The following ARHGAP26 variants were observed in gnomAD, a reference collection of about 807,000 sequenced individuals.
ARHGAP26 encodes rho GTPase-activating protein 26.
A neutral mutation model predicts 104.8 loss-of-function variants in ARHGAP26; 38 were observed. The observed-to-expected ratio is 0.36, with a 90% confidence interval of 0.28 to 0.48. ARHGAP26 has a LOEUF of 0.48. ARHGAP26 is among the 20% of genes least tolerant of loss of function. The pLI is 0.99. For missense variants in ARHGAP26, 704 were observed against 947.9 expected, an observed-to-expected ratio of 0.74 and a Z score of 3.38; for synonymous variants, 341 against 340.0, an observed-to-expected ratio of 1.00 and a Z score of -0.03.
intron 6 of ARHGAP26, among the ~76,000 whole-genome samples, chr5:142,899,708 A>G (rs961068882): frequency 2.0e-5 from 3 of 151,554 alleles, no homozygotes; most frequent in Non-Finnish European, 2.9e-5. Context: ...AGGTTCATAT[A>G]GTGTTGGGGG....
intron 1 of ARHGAP26, among the ~76,000 whole-genome samples, chr5:142,829,881 G>A (rs564925150): frequency 4.5e-4 from 69 of 152,284 alleles, no homozygotes; most frequent in African/African-American, 1.6e-3. Context: ...TTCAGAGCAT[G>A]GTCATTGTTC....
rs969413946 is a variant in ARHGAP26, at chr5:143,225,973, ACTCT to A, written c.*3532_*3535del. 4 of 217,874 alleles carry A rather than the reference ACTCT, an allele frequency of 1.8e-5. No homozygotes were observed. In the East Asian group the frequency reaches 2.0e-4, roughly 11 times the overall value. The allele number at this position is 217,874 out of a possible 1,614,324, so 13.5% of individuals were successfully genotyped here. On this transcript the variant is annotated 3_prime_UTR_variant, in exon 23 of 23. Coordinates refer to ENST00000645722, the MANE Select transcript of ARHGAP26 (RefSeq NM_001135608.3). ...CCCCTATCCATGCCCCCTACCTCTG[ACTCT>A]CTCTGTGTGAACAGGAAACTTTAGG...
chr5:143,014,684 T>C (rs1158139079), intron 12 of ARHGAP26, among the ~76,000 whole-genome samples: 6 of 152,234 alleles, frequency 3.9e-5, no homozygotes, highest in Non-Finnish European at 5.9e-5. Flanking sequence ...TTTGCCCTGC[T>C]GCTGCCTGTA....
intron 17 of ARHGAP26, among the ~76,000 whole-genome samples, chr5:143,075,918 T>C (rs568006636): frequency 1.2e-4 from 19 of 152,128 alleles, no homozygotes; most frequent in African/African-American, 4.6e-4. Context: ...AGGCTAGTTT[T>C]GAACTCCTGG....
intron 5 of ARHGAP26, among the ~76,000 whole-genome samples, chr5:142,888,262 T>C (rs560184555): frequency 6.6e-6 from 1 of 152,310 alleles, no homozygotes; most frequent in Admixed American, 6.5e-5. Context: ...GCCCTTTCCC[T>C]TCACCCAGTT....
chr5:142,947,639 A>C (rs1178395742), intron 11 of ARHGAP26, among the ~76,000 whole-genome samples: 1 of 152,164 alleles, frequency 6.6e-6, no homozygotes, highest in African/African-American at 2.4e-5. Context: ...TACTCACTGA[A>C]TTAACTTGGA....
chr5:142,829,775 T>C lies in ARHGAP26; in HGVS notation c.155-43625T>C, dbSNP rs1327340246. Among the ~76,000 whole-genome samples the C allele has an allele frequency of 2.0e-5, 3 of 152,312 alleles. No homozygotes were observed. The East Asian group carries it at 5.8e-4, about 29-fold the overall frequency. The stretch of plus-strand genomic sequence containing the variant: ...GTGTGTGCCCAGGTGTGTCTGGCTG[T>C]CTCCACTGCCCCTTACTGTCCACCA... On this transcript the variant is annotated intron_variant, in intron 1 of 22. Coordinates refer to ENST00000645722, the MANE Select transcript of ARHGAP26 (RefSeq NM_001135608.3).
At chr5:143,103,593 T>C (rs1412241066) in intron 17 of ARHGAP26, among the ~76,000 whole-genome samples, 2 of 151,798 alleles carry the variant, frequency 1.3e-5, no homozygotes, top group East Asian at 1.9e-4. Flanking sequence ...GTGGCACATA[T>C]ACACCATGGA....
At chr5:142,998,824 A>T (rs183291972) in intron 11 of ARHGAP26, among the ~76,000 whole-genome samples, 1 of 152,256 alleles carries the variant, frequency 6.6e-6, no homozygotes, top group African/African-American at 2.4e-5. Context: ...CCTGTGCAAC[A>T]CGAGACGGTG....
intron 14 of ARHGAP26, among the ~76,000 whole-genome samples, chr5:143,050,087 T>G (rs1300940988): frequency 6.6e-6 from 1 of 152,194 alleles, no homozygotes. Flanking sequence ...CCCACACCCC[T>G]GGGTGGCTTG....
At chr5:142,985,968 C>A (rs78107458) in intron 11 of ARHGAP26, among the ~76,000 whole-genome samples, 15,229 of 152,052 alleles carry the variant, frequency 0.1, 1,310 homozygotes, top group African/African-American at 0.23. Context: ...AATAAACATA[C>A]GTGTGTATGT....
Position 142,848,437 on chromosome 5 carries a change from C to T in ARHGAP26, c.155-24963C>T, listed in dbSNP as rs149233842. Among the ~76,000 whole-genome samples, 681 of 152,266 alleles carry T rather than the reference C, an allele frequency of 4.5e-3. 3 individuals carry two copies. Among genetic ancestry groups the T allele is most frequent in the Middle Eastern group, 0.01 (3 of 294 alleles). ...TGTGGCCCTGTGGTTTTCCCAGTCC[C>T]ATTTTCCTCCTTTACTCCCTTCCAG... On this transcript the variant is annotated intron_variant, in intron 1 of 22. Transcript: ENST00000645722.
Position 142,973,727 on chromosome 5 carries a change from AG to A in ARHGAP26, c.1108-40351del, listed in dbSNP as rs1202197198. On this transcript the variant is annotated intron_variant, in intron 11 of 22. Transcript: ENST00000645722. ...AGGTCTGTTACATACCTTAAGACCCAGGACATTTCTTTTCTCTCCCTCCTCC... is the reference window on the plus strand; with the variant it reads ...AGGTCTGTTACATACCTTAAGACCCAGACATTTCTTTTCTCTCCCTCCTCC... 2.0e-5 allele frequency among the ~76,000 whole-genome samples: 3 copies of A among 152,234 alleles called. No individual in the cohort carries two copies. The East Asian group carries it at 5.8e-4, about 29-fold the overall frequency.
chr5:143,115,177 A>ACAAAAGTTAGCCAGG lies in ARHGAP26; in HGVS notation c.1539-5808_1539-5794dup, dbSNP rs1795274878. 1.1e-4 allele frequency among the ~76,000 whole-genome samples: 16 copies of ACAAAAGTTAGCCAGG among 152,216 alleles called. 1 individual carries two copies. In the South Asian group the frequency reaches 3.3e-3, roughly 32 times the overall value. ...ATGAAACCCCGTCTCTGCTAAAAATACAAAAGTTAGCCAGGCATGGTGGTA... is the reference window on the plus strand; with the variant it reads ...ATGAAACCCCGTCTCTGCTAAAAATACAAAAGTTAGCCAGGCAAAAGTTAGCCAGGCATGGTGGTA... On this transcript the variant is annotated intron_variant, in intron 17 of 22. Coordinates refer to ENST00000645722, the MANE Select transcript of ARHGAP26 (RefSeq NM_001135608.3).
intron 17 of ARHGAP26, among the ~76,000 whole-genome samples, chr5:143,072,885 A>C (rs1421683175): frequency 6.6e-6 from 1 of 152,214 alleles, no homozygotes; most frequent in Non-Finnish European, 1.5e-5. Context: ...AATAGTTTCA[A>C]ACAGCCAGTA....
At chr5:143,060,130 G>A (rs1786490545) in intron 17 of ARHGAP26, among the ~76,000 whole-genome samples, 1 of 152,182 alleles carries the variant, frequency 6.6e-6, no homozygotes, top group African/African-American at 2.4e-5. Context: ...TCTGATTCCA[G>A]TTTTCTCAGG....
chr5:142,795,454 C>T (rs189799303), intron 1 of ARHGAP26, among the ~76,000 whole-genome samples: 130 of 152,226 alleles, frequency 8.5e-4, no homozygotes, highest in African/African-American at 3.1e-3. Context: ...TTTCTCTGTT[C>T]TGGGCAACTC....
intron 11 of ARHGAP26, among the ~76,000 whole-genome samples, chr5:142,999,931 G>T (rs914451585): frequency 2.0e-5 from 3 of 152,098 alleles, no homozygotes; most frequent in African/African-American, 4.8e-5. Context: ...GTAATAAAAA[G>T]AAGAACCTAA....
intron 14 of ARHGAP26, among the ~76,000 whole-genome samples, chr5:143,049,222 C>CCTTTTTAATG (rs1237366715): frequency 6.6e-6 from 1 of 152,138 alleles, no homozygotes; most frequent in Non-Finnish European, 1.5e-5. Context: ...ACATTTTTCA[C>CCTTTTTAATG]CTTTTTAATG....
Sources: gnomAD v4.1 joint callset for allele counts (sites outside exome capture counted in the v4.1 genomes callset) on GRCh38, gnomAD v4.1.1 for gene constraint, MANE v1.5 for transcripts, NCBI Gene and HGNC (gene_info 2026-07-23, HGNC 2026-07-21) for gene names.